Variants in COL13A1 observed in about 807,000 individuals in gnomAD.
The protein encoded by COL13A1 is collagen type XIII alpha 1 chain.
Under a neutral mutation model 130.9 loss-of-function variants are expected in COL13A1, and 89 were observed. That is an observed-to-expected ratio of 0.68 (90% CI 0.57 to 0.81). The LOEUF is 0.81. Among genes scored for constraint, COL13A1 ranks in the 30% least tolerant of loss-of-function variants. The probability of loss-of-function intolerance (pLI) is 0.00; values close to 1 mark genes in which losing one functional copy is unlikely to be tolerated. For missense variants in COL13A1, 879 were observed against 934.6 expected, an observed-to-expected ratio of 0.94 and a Z score of 0.78; for synonymous variants, 402 against 341.6, an observed-to-expected ratio of 1.18 and a Z score of -1.95.
chr10:69,897,606 A>G, intron 13 of COL13A1: 2 of 1,523,248 alleles, frequency 1.3e-6, no homozygotes, highest in East Asian at 4.6e-5. Flanking sequence ...AACATTGCAC[A>G]TCCCCAGGCC....
intron 17 of COL13A1, among the ~76,000 whole-genome samples, chr10:69,906,530 C>T (rs1336595317): frequency 6.6e-6 from 1 of 152,068 alleles, no homozygotes; most frequent in African/African-American, 2.4e-5. Flanking sequence ...AGGTCCAGGG[C>T]AGCATTCAAA....
chr10:69,822,909 T>A (rs1167783004), intron 2 of COL13A1, among the ~76,000 whole-genome samples: 1 of 152,272 alleles, frequency 6.6e-6, no homozygotes, highest in Non-Finnish European at 1.5e-5. Flanking sequence ...TAGGGCAATG[T>A]GTGTTCACTA....
chr10:69,889,502 C>T (rs1589318694), intron 10 of COL13A1, 62 bp downstream of exon 10: 2 of 1,587,928 alleles, frequency 1.3e-6, no homozygotes, highest in African/African-American at 1.3e-5. Flanking sequence ...CTCACAGGCA[C>T]AGCCAAGCAC....
At chr10:69,911,244 C>T (rs2063345400) in intron 17 of COL13A1, among the ~76,000 whole-genome samples, 1 of 152,106 alleles carries the variant, frequency 6.6e-6, no homozygotes, top group Non-Finnish European at 1.5e-5. Context: ...GGATTCTGAT[C>T]TGCCAGCCAG....
chr10:69,808,787 C>A (rs1218741296), intron 1 of COL13A1, among the ~76,000 whole-genome samples: 8 of 152,220 alleles, frequency 5.3e-5, no homozygotes, highest in Admixed American at 3.9e-4. Context: ...GATGTAAGGT[C>A]CCCCTGTTAG....
Position 69,924,263 on chromosome 10 carries a change from T to G in COL13A1, c.1284+408T>G, listed in dbSNP as rs1020981911. Among the ~76,000 whole-genome samples the G allele has an allele frequency of 3.9e-5, 6 of 151,980 alleles. No homozygotes were observed. The South Asian group carries it at 1.0e-3, about 26-fold the overall frequency. On this transcript the variant is annotated intron_variant, in intron 24 of 40. Coordinates refer to ENST00000645393, the MANE Select transcript of COL13A1 (RefSeq NM_001368882.1). ...GTCCCGTGAGCAGGTTCATCAGGAG[T>G]CACACCAAAGTGTTCCTGTTTCCTT...
intron 4 of COL13A1, among the ~76,000 whole-genome samples, chr10:69,874,567 C>G (rs1194976808): frequency 6.6e-6 from 1 of 152,194 alleles, no homozygotes; most frequent in Non-Finnish European, 1.5e-5. Context: ...GCTCGTGGTC[C>G]TTCCTGTCAG....
intron 2 of COL13A1, among the ~76,000 whole-genome samples, chr10:69,853,645 G>C (rs1855604073): frequency 6.6e-6 from 1 of 152,088 alleles, no homozygotes; most frequent in Non-Finnish European, 1.5e-5. Flanking sequence ...CTGCAGCATA[G>C]AATATAAAAA....
At chr10:69,889,374 G>T in intron 9 of COL13A1, 40 bp from the exon 10 acceptor site, 1 of 1,600,070 alleles carries the variant, frequency 6.2e-7, no homozygotes, top group Non-Finnish European at 8.5e-7. Context: ...CTTCTGGGCT[G>T]CGAACAGTGC....
At chr10:69,835,469 T>C (rs2133071747) in intron 2 of COL13A1, among the ~76,000 whole-genome samples, 1 of 152,226 alleles carries the variant, frequency 6.6e-6, no homozygotes, top group Admixed American at 6.5e-5. Flanking sequence ...TGTTACTCCC[T>C]GGCAAGTTCC....
chr10:69,863,702 C>T (rs1858915304), intron 2 of COL13A1, among the ~76,000 whole-genome samples: 1 of 152,012 alleles, frequency 6.6e-6, no homozygotes, highest in South Asian at 2.1e-4. Flanking sequence ...ACTTCATGAC[C>T]TCCAGCCAGG....
intron 18 of COL13A1, among the ~76,000 whole-genome samples, chr10:69,917,906 C>T (rs949967748): frequency 2.0e-5 from 3 of 152,000 alleles, no homozygotes; most frequent in Admixed American, 1.3e-4. Flanking sequence ...TGCCGTCTCC[C>T]TTCCCATCTC....
At chr10:69,930,304 C>T in intron 29 of COL13A1, 96 bp from the exon 30 acceptor site, 1 of 1,255,026 alleles carries the variant, frequency 8.0e-7, no homozygotes. Context: ...AGACAAGCAC[C>T]AAAGAGCCAA....
At chr10:69,889,496 C>T (rs1032724370) in intron 10 of COL13A1, 56 bp downstream of exon 10, 4 of 1,593,570 alleles carry the variant, frequency 2.5e-6, no homozygotes, top group Non-Finnish European at 3.4e-6. Context: ...CCCAGCCTCA[C>T]AGGCACAGCC....
At chr10:69,887,581 C>A in intron 8 of COL13A1, 90 bp downstream of exon 8, 1 of 1,382,014 alleles carries the variant, frequency 7.2e-7, no homozygotes, top group Non-Finnish European at 1.0e-6. Flanking sequence ...CCCGGTTCCA[C>A]TCTTTCTCTC....
chr10:69,903,142 G>A (rs1481169181), intron 15 of COL13A1, among the ~76,000 whole-genome samples: 2 of 152,238 alleles, frequency 1.3e-5, no homozygotes, highest in Non-Finnish European at 2.9e-5. Flanking sequence ...TTTGGAAAGA[G>A]AATTCCCAAG....
At chr10:69,903,495 G>T (rs886200816) in intron 15 of COL13A1, among the ~76,000 whole-genome samples, 1 of 151,926 alleles carries the variant, frequency 6.6e-6, no homozygotes, top group Non-Finnish European at 1.5e-5. Flanking sequence ...TCAAGCCCTG[G>T]CTAAGACTCC....
At chr10:69,847,783 T>C (rs1235164875) in intron 2 of COL13A1, among the ~76,000 whole-genome samples, 2 of 152,154 alleles carry the variant, frequency 1.3e-5, no homozygotes, top group Non-Finnish European at 2.9e-5. Context: ...ATTCACTCTC[T>C]TTCTCCTTTC....
intron 2 of COL13A1, 51 bp downstream of exon 2, chr10:69,822,489 A>G (rs1336792322): frequency 7.1e-7 from 1 of 1,402,826 alleles, no homozygotes; most frequent in East Asian, 2.8e-5. Flanking sequence ...GACTGAGACC[A>G]GAGGCTCTTC....
Sources: allele counts gnomAD v4.1 joint callset (sites outside exome capture counted in the v4.1 genomes callset), GRCh38; gene constraint gnomAD v4.1.1; transcripts MANE v1.5; gene names NCBI Gene and HGNC (gene_info 2026-07-23, HGNC 2026-07-21).